The following ACOT12 variants were observed in gnomAD, a reference collection of about 807,000 sequenced individuals.
The protein encoded by ACOT12 is acyl-CoA thioesterase 12.
A neutral mutation model predicts 67.7 loss-of-function variants in ACOT12; 51 were observed. That is an observed-to-expected ratio of 0.75 (90% confidence interval 0.60 to 0.95). The LOEUF is 0.95. Among genes scored for constraint, ACOT12 ranks in the 40% least tolerant of loss-of-function variants. ACOT12 has a pLI of 0.00. For synonymous variants in ACOT12, 251 were observed against 244.6 expected (o/e 1.03, Z -0.24); for missense variants, 734 against 708.1 (o/e 1.04, Z -0.41).
chr5:81,317,501 CAAAAA>C, the ACOT12 span, among the ~76,000 whole-genome samples: 2 of 109,120 alleles, frequency 1.8e-5, no homozygotes, highest in African/African-American at 3.2e-5. Context: ...GACTCCATCC[CAAAAA>C]AAAAAAAAAA....
intron 1 of ACOT12, among the ~76,000 whole-genome samples, chr5:81,386,819 T>A (rs1035574062): frequency 6.6e-6 from 1 of 152,082 alleles, no homozygotes; most frequent in African/African-American, 2.4e-5. Context: ...CGCACGTATT[T>A]AACACATTCC....
chr5:81,393,914 C>G (rs1003637679), intron 1 of ACOT12, 74 bp downstream of exon 1: 5 of 1,267,084 alleles, frequency 3.9e-6, no homozygotes, highest in Non-Finnish European at 5.0e-6. Context: ...CCTTCCTACC[C>G]CCCCCAGCCC....
At chr5:81,351,693 G>A (rs984162979) in intron 5 of ACOT12, among the ~76,000 whole-genome samples, 6 of 152,122 alleles carry the variant, frequency 3.9e-5, no homozygotes, top group African/African-American at 1.4e-4. Flanking sequence ...CATTGGTCTG[G>A]ACAAAAATTT....
chr5:81,368,659 A>G (rs1760153643), intron 3 of ACOT12, among the ~76,000 whole-genome samples: 1 of 152,072 alleles, frequency 6.6e-6, no homozygotes, highest in Non-Finnish European at 1.5e-5. Context: ...GTAAAGCAAT[A>G]TATTGAAGAA....
intron 5 of ACOT12, among the ~76,000 whole-genome samples, chr5:81,349,537 C>A (rs113477643): frequency 6.6e-6 from 1 of 152,078 alleles, no homozygotes; most frequent in Non-Finnish European, 1.5e-5. Context: ...ACTCTGTGGC[C>A]CCCCCTTGGT....
intron 6 of ACOT12, 146 bp from the exon 7 acceptor site, chr5:81,346,150 C>A (rs149896819): frequency 3.2e-6 from 4 of 1,240,368 alleles, no homozygotes; most frequent in Admixed American, 5.6e-5. Flanking sequence ...TAGGTCTGCA[C>A]GCTACCTGCC....
chr5:81,340,506 C>G (rs538056940), intron 11 of ACOT12, among the ~76,000 whole-genome samples: 1 of 152,046 alleles, frequency 6.6e-6, no homozygotes, highest in Non-Finnish European at 1.5e-5. Flanking sequence ...GGATTACAGG[C>G]GCCTGCCACT....
chr5:81,387,604 C>T lies in ACOT12; in HGVS notation c.128-1778G>A, dbSNP rs189571455. Among the ~76,000 whole-genome samples the T allele has an allele frequency of 3.3e-5, 5 of 149,848 alleles. No individual in the cohort carries two copies. The East Asian group carries it at 9.9e-4, about 30-fold the overall frequency. On this transcript the variant is annotated intron_variant, in intron 1 of 14. Coordinates refer to ENST00000307624, the MANE Select transcript of ACOT12 (RefSeq NM_130767.3). Reference sequence around the variant, plus strand: ...CTGGAGTGCAGTGGCACGAGCATAGCTCACTCCAGCGTCGAACTCCTGGGC... The same window carrying T: ...CTGGAGTGCAGTGGCACGAGCATAGTTCACTCCAGCGTCGAACTCCTGGGC...
At chr5:81,375,495 T>C (rs1760383843) in intron 2 of ACOT12, among the ~76,000 whole-genome samples, 1 of 152,106 alleles carries the variant, frequency 6.6e-6, no homozygotes, top group East Asian at 1.9e-4. Flanking sequence ...ATAACAATAT[T>C]AACCTTAAAT....
At chr5:81,328,255 C>G (rs560030700), downstream of ACOT12, among the ~76,000 whole-genome samples, 1 of 152,294 alleles carries the variant, frequency 6.6e-6, no homozygotes, top group East Asian at 1.9e-4. Flanking sequence ...CCACCCCCAA[C>G]CCTTCCCCAG....
the ACOT12 span, among the ~76,000 whole-genome samples, chr5:81,323,185 A>G: frequency 6.6e-6 from 1 of 152,138 alleles, no homozygotes; most frequent in Non-Finnish European, 1.5e-5. Context: ...CAAATCTTGT[A>G]GGCTCTATCA....
chr5:81,351,430 G>C (rs572815086), intron 5 of ACOT12, among the ~76,000 whole-genome samples: 1 of 152,118 alleles, frequency 6.6e-6, no homozygotes, highest in Admixed American at 6.5e-5. Flanking sequence ...AACAGAACTG[G>C]GAACCCAGAA....
chr5:81,386,995 A>ATTTT (rs869281800), intron 1 of ACOT12, among the ~76,000 whole-genome samples: 7 of 81,332 alleles, frequency 8.6e-5, no homozygotes, highest in Non-Finnish European at 1.3e-4. Context: ...GATGAGTTCC[A>ATTTT]TTTTTTTTTT....
intron 3 of ACOT12, among the ~76,000 whole-genome samples, chr5:81,368,662 T>C (rs576359937): frequency 6.6e-6 from 1 of 151,972 alleles, no homozygotes; most frequent in Admixed American, 6.6e-5. Flanking sequence ...AAGCAATATA[T>C]TGAAGAAAAT....
At chr5:81,363,339 G>T (rs578117345) in intron 4 of ACOT12, among the ~76,000 whole-genome samples, 2 of 152,244 alleles carry the variant, frequency 1.3e-5, no homozygotes, top group African/African-American at 4.8e-5. Flanking sequence ...CAATAACTCA[G>T]CAATGTTGAC....
In ACOT12 at chr5:81,344,985, C is replaced by A. The variant is rs777679257; in HGVS notation, c.830G>T (p.Arg277Leu). ...AFDCQEWAEG[R>L]GRHINSAFLI... ...AAAAGCACTGTTGATGTGACGCCCT[C>A]GGCCCTCGGCCCATTCCTGACAGTC... The change falls in exon 8 of 15, where the codon CGA becomes CTA. Residue 277 changes from arginine to leucine, a missense_variant. Physicochemically the swap from Arg to Leu is moderately radical, Grantham distance 102. Coordinates refer to ENST00000307624, the MANE Select transcript of ACOT12 (RefSeq NM_130767.3). The A allele has an allele frequency of 2.0e-5, 32 of 1,614,170 alleles. No individual in the cohort carries two copies. Among genetic ancestry groups the A allele is most frequent in the Non-Finnish European group, 2.7e-5 (32 of 1,180,026 alleles).
chr5:81,366,493 T>G (rs1431173816), intron 3 of ACOT12, among the ~76,000 whole-genome samples: 1 of 152,212 alleles, frequency 6.6e-6, no homozygotes, highest in African/African-American at 2.4e-5. Context: ...TAAGGCCAGA[T>G]AGTAAATATT....
downstream of ACOT12, among the ~76,000 whole-genome samples, chr5:81,326,051 T>C (rs1320788930): frequency 6.6e-6 from 1 of 151,664 alleles, no homozygotes; most frequent in African/African-American, 2.4e-5. Flanking sequence ...AAGTGATCCA[T>C]GTGCCTCAGC....
rs74333145 is a variant in ACOT12 at position 81,336,163 on chromosome 5, T to C, written c.1129-262A>G. Among the ~76,000 whole-genome samples, 448 of 152,138 alleles carry C rather than the reference T, an allele frequency of 2.9e-3. 10 individuals carry two copies. In the East Asian group the frequency reaches 0.055, roughly 19 times the overall value. On this transcript the variant is annotated intron_variant, in intron 11 of 14. Transcript: ENST00000307624. The stretch of plus-strand genomic sequence containing the variant: ...ATTATTGCACAACAGTTTTTTTTTT[T>C]CTCATGAAAAATGTAAAAACCTAGG...
Sources: allele counts gnomAD v4.1 joint callset (sites outside exome capture counted in the v4.1 genomes callset), GRCh38; gene constraint gnomAD v4.1.1; transcripts MANE v1.5; gene names NCBI Gene and HGNC (gene_info 2026-07-23, HGNC 2026-07-21).